Variants in PIN4 observed in about 807,000 individuals in gnomAD.
PIN4 encodes the protein peptidylprolyl cis/trans isomerase, NIMA-interacting 4.
Under a neutral mutation model 8.3 loss-of-function variants are expected in PIN4, and 3 were observed. That is an observed-to-expected ratio of 0.36 (90% confidence interval 0.16 to 0.93). PIN4 has a LOEUF of 0.93. Ranked by LOEUF, PIN4 falls within the 40% of genes least tolerant of loss-of-function variation. The pLI, the probability that PIN4 is intolerant of heterozygous loss-of-function variation, is 0.44. For missense variants in PIN4, 75 were observed against 100.6 expected (o/e 0.75, Z 1.09); for synonymous variants, 18 against 32.5 (o/e 0.55, Z 1.52).
chrX:72,193,644 G>A (rs1414675843), intron 2 of PIN4, among the ~76,000 whole-genome samples: 4 of 111,858 alleles, frequency 3.6e-5, no homozygotes, highest in Non-Finnish European at 7.5e-5. Flanking sequence ...GTTGAGGTAG[G>A]CAGATCACTT....
At chrX:72,253,904 A>G (rs1163967752) in intron 3 of PIN4, among the ~76,000 whole-genome samples, 5 of 109,374 alleles carry the variant, frequency 4.6e-5, no homozygotes, top group Admixed American at 9.8e-5. Flanking sequence ...TGAGACTTCA[A>G]TGAGTCATGA....
intron 3 of PIN4, chrX:72,205,297 G>A (rs768514070): frequency 8.3e-7 from 1 of 1,211,844 alleles, no homozygotes; most frequent in Non-Finnish European, 1.1e-6. Flanking sequence ...TAACCAGCTG[G>A]ACTTGTTTTC....
rs762377624 is a variant in PIN4, at chrX:72,218,269, C to CAA, written c.312+21380_312+21381dup. Among the ~76,000 whole-genome samples, 127 of 61,238 alleles carry CAA rather than the reference C, an allele frequency of 2.1e-3. 4 individuals carry two copies. In the South Asian group the frequency reaches 0.097, roughly 47 times the overall value. The allele number at this position is 61,238 out of a possible 115,157, so 53.2% of individuals were successfully genotyped here. A position where few individuals can be genotyped will look rare whatever the true frequency, so the allele number is the denominator to read the frequency against. ...TGGGCGACAGAGCGAGACTCTGTCTCAAAAAAAAAAAAAAAATTAATAATA... is the reference window on the plus strand; with the variant it reads ...TGGGCGACAGAGCGAGACTCTGTCTCAAAAAAAAAAAAAAAAAATTAATAATA... On this transcript the variant is annotated intron_variant, in intron 3 of 3. Transcript: ENST00000423432.
At chrX:72,260,195 C>G (rs2043132539) in intron 3 of PIN4, among the ~76,000 whole-genome samples, 1 of 112,378 alleles carries the variant, frequency 8.9e-6, no homozygotes, top group African/African-American at 3.2e-5. Flanking sequence ...GCTGGAGACC[C>G]AGCCCCAAGT....
chrX:72,212,303 T>C (rs1317382899), intron 3 of PIN4, among the ~76,000 whole-genome samples: 2 of 110,654 alleles, frequency 1.8e-5, no homozygotes, highest in African/African-American at 6.6e-5. Context: ...TAAAATCATC[T>C]CTGCCCCAAA....
rs769393229 is a variant in PIN4 at position 72,205,274 on chromosome X, G to A, written c.312+8370G>A. 1.3e-5 allele frequency: 16 copies of A among 1,210,310 alleles called. No homozygotes were observed. In the Admixed American group the frequency reaches 2.2e-4, roughly 17 times the overall value. ...GAGGTCTCTTGAGCTAGAGCACTAGGCTTAGACGTCATTAACCAGCTGGAC... is the reference window on the plus strand; with the variant it reads ...GAGGTCTCTTGAGCTAGAGCACTAGACTTAGACGTCATTAACCAGCTGGAC... On this transcript the variant is annotated intron_variant, in intron 3 of 3. Transcript: ENST00000423432.
intron 3 of PIN4, among the ~76,000 whole-genome samples, chrX:72,254,256 C>T (rs915903925): frequency 9.0e-6 from 1 of 111,672 alleles, no homozygotes; most frequent in Non-Finnish European, 1.9e-5. Context: ...TTTTGCTGTC[C>T]CCTTGGCCAG....
intron 3 of PIN4, chrX:72,207,596 T>G: frequency 8.3e-6 from 10 of 1,211,545 alleles, no homozygotes; most frequent in Non-Finnish European, 1.1e-5. Flanking sequence ...AGCAACTCCT[T>G]GATATGATCT....
intron 3 of PIN4, among the ~76,000 whole-genome samples, chrX:72,258,558 GACTGTTAGACCC>G (rs1285773149): frequency 9.0e-6 from 1 of 111,141 alleles, no homozygotes; most frequent in Non-Finnish European, 1.9e-5. Context: ...CTTTATATGG[GACTGTTAGACCC>G]ACACTGAGGA....
intron 3 of PIN4, among the ~76,000 whole-genome samples, chrX:72,232,848 G>A (rs1344983624): frequency 2.7e-5 from 3 of 109,947 alleles, no homozygotes; most frequent in Middle Eastern, 9.2e-3. Flanking sequence ...TCTAATAACT[G>A]ATTTGACACT....
downstream of PIN4, chrX:72,198,441 C>A (rs2042777479): frequency 2.7e-6 from 1 of 365,484 alleles, no homozygotes; most frequent in African/African-American, 2.8e-5. Context: ...TACCTAGATA[C>A]CTGACTTTCC....
downstream of PIN4, among the ~76,000 whole-genome samples, chrX:72,199,644 G>A (rs1240165587): frequency 8.9e-6 from 1 of 112,404 alleles, no homozygotes; most frequent in Non-Finnish European, 1.9e-5. Context: ...CTTTGCTTGG[G>A]ACATTGACTT....
chrX:72,242,303 C>T (rs1445435323), intron 3 of PIN4, among the ~76,000 whole-genome samples: 2 of 112,140 alleles, frequency 1.8e-5, no homozygotes, highest in Non-Finnish European at 3.8e-5. Flanking sequence ...TTCTAAGCCC[C>T]ATTTTCACAC....
intron 3 of PIN4, chrX:72,205,285 A>G (rs775189735): frequency 8.3e-7 from 1 of 1,212,088 alleles, no homozygotes; most frequent in South Asian, 1.8e-5. Context: ...CTTAGACGTC[A>G]TTAACCAGCT....
downstream of PIN4, among the ~76,000 whole-genome samples, chrX:72,202,835 CTT>C (rs1203119061): frequency 8.9e-6 from 1 of 111,794 alleles, no homozygotes; most frequent in Non-Finnish European, 1.9e-5. Context: ...TTACAAGTAA[CTT>C]TTATATGTAT....
chrX:72,254,222 C>T (rs1002579936), intron 3 of PIN4, among the ~76,000 whole-genome samples: 3 of 111,513 alleles, frequency 2.7e-5, no homozygotes, highest in Non-Finnish European at 5.6e-5. Flanking sequence ...ACAACCATGC[C>T]CATTTCCACC....
At chrX:72,200,653 A>C (rs1473916481), downstream of PIN4, among the ~76,000 whole-genome samples, 1 of 112,435 alleles carries the variant, frequency 8.9e-6, no homozygotes, top group Non-Finnish European at 1.9e-5. Context: ...AATATCATGC[A>C]GTTATTTTAA....
intron 3 of PIN4, among the ~76,000 whole-genome samples, chrX:72,229,772 C>T (rs766632775): frequency 2.7e-5 from 3 of 111,776 alleles, no homozygotes; most frequent in African/African-American, 9.7e-5. Flanking sequence ...CCTTAATAGC[C>T]ACCTTGGGTA....
chrX:72,193,962 G>T (rs1204854487), intron 2 of PIN4, among the ~76,000 whole-genome samples: 1 of 111,544 alleles, frequency 9.0e-6, no homozygotes, highest in Non-Finnish European at 1.9e-5. Context: ...TGTTTTTTAA[G>T]CCAAGTGTTA....
Sources: allele counts gnomAD v4.1 joint callset (sites outside exome capture counted in the v4.1 genomes callset), GRCh38; gene constraint gnomAD v4.1.1; transcripts MANE v1.5; gene names NCBI Gene and HGNC (gene_info 2026-07-23, HGNC 2026-07-21).